Variants in HNRNPH1 observed in about 807,000 individuals in gnomAD.
HNRNPH1 encodes the protein heterogeneous nuclear ribonucleoprotein H.
Under a neutral mutation model 58.6 loss-of-function variants are expected in HNRNPH1, and 4 were observed. The ratio of observed to expected loss-of-function variants is 0.07; its 90% CI spans 0.03 to 0.16. The LOEUF (loss-of-function observed/expected upper bound fraction) is 0.16. Among genes scored for constraint, HNRNPH1 ranks in the 10% least tolerant of loss-of-function variants. HNRNPH1 has a pLI of 1.00. For missense variants in HNRNPH1, 271 were observed against 564.2 expected (o/e 0.48, Z 5.26); for synonymous variants, 192 against 189.2 (o/e 1.01, Z -0.12).
Position 179,621,414 on chromosome 5 carries a change from C to T in HNRNPH1, c.98-17G>A, listed in dbSNP as rs1159075859. 2 of 1,608,382 alleles carry T rather than the reference C, an allele frequency of 1.2e-6. No individual in the cohort carries two copies. The highest frequency in any genetic ancestry group is 1.3e-5 in the African/African-American group (1 of 74,534). Reference sequence around the variant, plus strand: ...TTTTGCAGTCTGGAAAGAAAACAACCGTTAATACAGAATTTAAAACCTAAA... The same window carrying T: ...TTTTGCAGTCTGGAAAGAAAACAACTGTTAATACAGAATTTAAAACCTAAA... On this transcript the variant is annotated splice_polypyrimidine_tract_variant and intron_variant, in intron 1 of 12. Transcript: ENST00000356731.
At chr5:179,625,510 T>C (rs1182148010), upstream of HNRNPH1, among the ~76,000 whole-genome samples, 1 of 137,292 alleles carries the variant, frequency 7.3e-6, no homozygotes, top group Non-Finnish European at 1.5e-5. Context: ...AAAAAAAAAT[T>C]AGCCAGGCAT....
At chr5:179,627,896 TG>T (rs1774523386), upstream of HNRNPH1, among the ~76,000 whole-genome samples, 8 of 147,240 alleles carry the variant, frequency 5.4e-5, no homozygotes, top group Non-Finnish European at 1.2e-4. Context: ...TACTCCAGCC[TG>T]GGCAACAGAG....
chr5:179,620,750 A>C (rs2127669706), intron 3 of HNRNPH1, 142 bp downstream of exon 4: 1 of 672,540 alleles, frequency 1.5e-6, no homozygotes, highest in South Asian at 2.0e-5. Flanking sequence ...AATTATTTGA[A>C]GGTCTCTAGG....
chr5:179,615,657 GA>G, intron 11 of HNRNPH1, 62 bp from the exon 13 acceptor site: 33 of 839,660 alleles, frequency 3.9e-5, no homozygotes, highest in Non-Finnish European at 4.8e-5. Context: ...TAGACCAATT[GA>G]AAAAAAATAA....
exon 1 of HNRNPH1, chr5:179,623,068 G>A (rs370650124): frequency 8.1e-6 from 13 of 1,604,096 alleles, no homozygotes; most frequent in East Asian, 2.3e-5. Flanking sequence ...CATCGGCCGA[G>A]CAAGACCAGG....
At chr5:179,616,482 TGAA>T (rs1041334978) in intron 10 of HNRNPH1, 6 of 535,816 alleles carry the variant, frequency 1.1e-5, no homozygotes, top group African/African-American at 1.9e-5. Flanking sequence ...AGGCATTTTG[TGAA>T]GATCTTATGA....
At chr5:179,626,381 A>C (rs981424411), upstream of HNRNPH1, among the ~76,000 whole-genome samples, 2 of 151,830 alleles carry the variant, frequency 1.3e-5, no homozygotes, top group Non-Finnish European at 2.9e-5. Context: ...CTGAGATTAC[A>C]AGCATGAGCC....
At chr5:179,616,136 C>T (rs1769481966) in exon 11 of HNRNPH1, 1 of 1,613,426 alleles carries the variant, frequency 6.2e-7, no homozygotes, top group South Asian at 1.1e-5. Flanking sequence ...CGTATCCACT[C>T]ATGCTGCTCT....
At chr5:179,630,011 G>A (rs1446340007) in intron 2 of HNRNPH1, among the ~76,000 whole-genome samples, 5 of 151,700 alleles carry the variant, frequency 3.3e-5, no homozygotes, top group East Asian at 1.9e-4. Context: ...GTGACAGAAC[G>A]ACTCTGTCTC....
chr5:179,616,377 T>C (rs1769670072), intron 10 of HNRNPH1, 159 bp from the exon 12 acceptor site: 3 of 637,496 alleles, frequency 4.7e-6, no homozygotes, highest in Non-Finnish European at 8.4e-6. Flanking sequence ...AGGCCACCCT[T>C]CTATCCATCA....
intron 2 of HNRNPH1, among the ~76,000 whole-genome samples, chr5:179,633,287 G>C (rs1266265618): frequency 2.8e-5 from 3 of 108,892 alleles, no homozygotes; most frequent in African/African-American, 9.6e-5. Context: ...CACCACGCCC[G>C]GCCTGTTTGT....
intron 2 of HNRNPH1, 81 bp from the exon 4 acceptor site, chr5:179,621,116 G>A: frequency 1.3e-6 from 2 of 1,540,416 alleles, no homozygotes; most frequent in Non-Finnish European, 1.8e-6. Flanking sequence ...AGATAAGCTA[G>A]GAAGAGCTGC....
At chr5:179,624,972 A>G (rs1351488898), upstream of HNRNPH1, among the ~76,000 whole-genome samples, 3 of 152,224 alleles carry the variant, frequency 2.0e-5, no homozygotes, top group Admixed American at 1.3e-4. Flanking sequence ...CTGATCTTCA[A>G]AGGCCACTTA....
intron 1 of HNRNPH1, 86 bp downstream of exon 2, chr5:179,622,951 C>T (rs1773388139): frequency 7.2e-6 from 1 of 139,788 alleles, no homozygotes; most frequent in Non-Finnish European, 1.6e-5. Flanking sequence ...CGGCCCGCCC[C>T]GCCCCGCCCC....
chr5:179,619,465 G>T lies in HNRNPH1; in HGVS notation c.398-58C>A. ...GGGCAATATTAACATCACAAGCCCA[G>T]AAATGATTCTTCTTATAGCTTTAAA... is the stretch of plus-strand genomic sequence containing the variant. On this transcript the variant is annotated intron_variant, in intron 3 of 12. Transcript: ENST00000356731. 1.2e-5 allele frequency: 18 copies of T among 1,495,198 alleles called. No homozygotes were observed. In the South Asian group the frequency reaches 2.1e-4, roughly 17 times the overall value. 92.6% of individuals were successfully genotyped at this position (1,495,198 alleles called of 1,614,324 possible).
upstream of HNRNPH1, chr5:179,629,100 A>G (rs1364979983): frequency 1.0e-4 from 15 of 148,984 alleles, no homozygotes; most frequent in East Asian, 4.1e-4. Context: ...GATCGAGACC[A>G]TCCTGGATAA....
intron 12 of HNRNPH1, 152 bp downstream of exon 13, chr5:179,615,394 T>G: frequency 3.8e-6 from 2 of 519,658 alleles, no homozygotes; most frequent in South Asian, 3.4e-5. Context: ...GGGCAGGAAG[T>G]GAGACAACCA....
chr5:179,624,561 A>G (rs1376648301), exon 1 of HNRNPH1: 1 of 398,746 alleles, frequency 2.5e-6, no homozygotes, highest in Admixed American at 4.4e-5. Context: ...AGAATTGGTA[A>G]GAGTGCGTCC....
chr5:179,633,837 G>A (rs1775043893), intron 2 of HNRNPH1: 1 of 152,030 alleles, frequency 6.6e-6, no homozygotes, highest in Admixed American at 6.6e-5. Flanking sequence ...TTTGAACCGG[G>A]GAGGCAGAGG....
Sources: gnomAD v4.1 joint callset for allele counts (sites outside exome capture counted in the v4.1 genomes callset) on GRCh38, gnomAD v4.1.1 for gene constraint, MANE v1.5 for transcripts, NCBI Gene and HGNC (gene_info 2026-07-23, HGNC 2026-07-21) for gene names.